XRCC2: variants seen among roughly 807,000 people sequenced by gnomAD.
The protein encoded by XRCC2 is DNA repair protein XRCC2.
XRCC2 carries 24 observed loss-of-function variants against 27.3 expected under a neutral mutation model. The observed-to-expected ratio is 0.88, with a 90% CI of 0.64 to 1.24. XRCC2 has a LOEUF of 1.24. Ranked by LOEUF, XRCC2 falls within the 50% of genes most tolerant of loss-of-function variation. XRCC2 has a pLI of 0.00. For synonymous variants in XRCC2, 106 were observed against 115.4 expected, an observed-to-expected ratio of 0.92 and a Z score of 0.52; for missense variants, 321 against 325.8, an observed-to-expected ratio of 0.99 and a Z score of 0.11.
chr7:152,652,315 T>G (rs2098028890), intron 2 of XRCC2, among the ~76,000 whole-genome samples: 1 of 151,752 alleles, frequency 6.6e-6, no homozygotes, highest in Non-Finnish European at 1.5e-5. Flanking sequence ...ACTATGTTAC[T>G]GAGGAGCTAT....
rs2098026600 is a variant in XRCC2 at position 152,647,610 on chromosome 7, C to T, written c.*1032G>A. The T allele has an allele frequency of 6.6e-6, 1 of 152,104 alleles. No individual in the cohort carries two copies. The highest frequency in any genetic ancestry group is 1.5e-5 in the Non-Finnish European group (1 of 68,034). 9.4% of individuals were successfully genotyped at this position (152,104 alleles called of 1,614,324 possible). Reference sequence around the variant, plus strand: ...GAAGGCGTCCATTTTCAATCTTTTCCATATGGCTGGCCAGTTATCCCAGCA... The same window carrying T: ...GAAGGCGTCCATTTTCAATCTTTTCTATATGGCTGGCCAGTTATCCCAGCA... On this transcript the variant is annotated 3_prime_UTR_variant, in exon 3 of 3. Coordinates refer to ENST00000359321, the MANE Select transcript of XRCC2 (RefSeq NM_005431.2).
intron 2 of XRCC2, among the ~76,000 whole-genome samples, chr7:152,650,600 G>A (rs911635661): frequency 1.3e-5 from 2 of 152,166 alleles, no homozygotes; most frequent in Non-Finnish European, 1.5e-5. Flanking sequence ...GTCTAAATAC[G>A]GATTCAAGGG....
rs1563035215 is a variant in XRCC2 at position 152,674,698 on chromosome 7, T to TATATATAATATATATTTTAAA, written c.39+1342_39+1343insTTTAAAATATATATTATATAT. 1.2e-3 allele frequency among the ~76,000 whole-genome samples: 86 copies of TATATATAATATATATTTTAAA among 69,742 alleles called. 21 individuals carry two copies. Among genetic ancestry groups the TATATATAATATATATTTTAAA allele is most frequent in the African/African-American group, 7.5e-3 (79 of 10,596 alleles). 45.8% of individuals were successfully genotyped at this position (69,742 alleles called of 152,430 possible). A position where few individuals can be genotyped will look rare whatever the true frequency, so the allele number is the denominator to read the frequency against. On this transcript the variant is annotated intron_variant, in intron 1 of 2. Coordinates refer to ENST00000359321, the MANE Select transcript of XRCC2 (RefSeq NM_005431.2). ...TCTATATTATAAATATATTTTTAAA[T>TATATATAATATATATTTTAAA]ATATATTTATATAATATATTTTTAA...
At chr7:152,659,688 A>G (rs532018245) in intron 2 of XRCC2, among the ~76,000 whole-genome samples, 1 of 127,864 alleles carries the variant, frequency 7.8e-6, no homozygotes, top group South Asian at 2.5e-4. Flanking sequence ...CTGGCAATGC[A>G]ATGATGGTGC....
rs1344673372 is a variant in XRCC2, at chr7:152,648,354, C to A, written c.*288G>T. ...CCCAAGAGGCAGAGGCTGCAGCGGGCCGAGATTGTGCCACTGCACTCCAGC... is the reference window on the plus strand; with the variant it reads ...CCCAAGAGGCAGAGGCTGCAGCGGGACGAGATTGTGCCACTGCACTCCAGC... On this transcript the variant is annotated 3_prime_UTR_variant, in exon 3 of 3. Coordinates refer to ENST00000359321, the MANE Select transcript of XRCC2 (RefSeq NM_005431.2). 4.8e-6 allele frequency: 1 copy of A among 210,058 alleles called. No individual in the cohort carries two copies. Among genetic ancestry groups the A allele is most frequent in the Non-Finnish European group, 9.5e-6 (1 of 105,170 alleles). 13.0% of individuals were successfully genotyped at this position (210,058 alleles called of 1,614,324 possible).
intron 1 of XRCC2, among the ~76,000 whole-genome samples, chr7:152,663,609 C>G (rs911177016): frequency 1.3e-5 from 2 of 152,136 alleles, no homozygotes; most frequent in African/African-American, 4.8e-5. Context: ...GAGGACAAGG[C>G]AGGAGGCTCG....
chr7:152,672,769 G>A (rs1026094994), intron 1 of XRCC2, among the ~76,000 whole-genome samples: 1 of 152,096 alleles, frequency 6.6e-6, no homozygotes, highest in Non-Finnish European at 1.5e-5. Flanking sequence ...TACATGAACT[G>A]CTTTAATAAT....
In XRCC2 at chr7:152,647,717, G is replaced by A. The variant is rs1031736283; in HGVS notation, c.*925C>T. 6.6e-6 allele frequency: 1 copy of A among 152,126 alleles called. No individual in the cohort carries two copies. Among genetic ancestry groups the A allele is most frequent in the South Asian group, 2.1e-4 (1 of 4,834 alleles). The allele number at this position is 152,126 out of a possible 1,614,324, so 9.4% of individuals were successfully genotyped here. On this transcript the variant is annotated 3_prime_UTR_variant, in exon 3 of 3. Coordinates refer to ENST00000359321, the MANE Select transcript of XRCC2 (RefSeq NM_005431.2). ...AGATCAAAAAAATTATAGGTGTGTGGTCTCATTTCTAAATTCTCTATTCTG... is the reference window on the plus strand; with the variant it reads ...AGATCAAAAAAATTATAGGTGTGTGATCTCATTTCTAAATTCTCTATTCTG...
Position 152,645,151 on chromosome 7 carries a change from A to G in XRCC2, c.*3491T>C, listed in dbSNP as rs1056264693. 2.0e-5 allele frequency: 3 copies of G among 152,014 alleles called. No individual in the cohort carries two copies. Among genetic ancestry groups the G allele is most frequent in the Admixed American group, 6.6e-5 (1 of 15,262 alleles). 9.4% of individuals were successfully genotyped at this position (152,014 alleles called of 1,614,324 possible). On this transcript the variant is annotated 3_prime_UTR_variant, in exon 3 of 3. Coordinates refer to ENST00000359321, the MANE Select transcript of XRCC2 (RefSeq NM_005431.2). ...AAAAGGGTTAAACTCTGCTTCTTAC[A>G]ATAAAGCTTTGTAATTTTCTCCAAA...
intron 1 of XRCC2, among the ~76,000 whole-genome samples, chr7:152,666,616 CTTTA>C (rs2098035834): frequency 7.0e-6 from 1 of 143,570 alleles, no homozygotes; most frequent in South Asian, 2.3e-4. Context: ...AATACAGATT[CTTTA>C]TTTTTTTTTT....
In XRCC2 at chr7:152,649,146, T is replaced by G. The variant is rs1590129640; in HGVS notation, c.339A>C (p.Gly113=). 2.5e-6 allele frequency: 4 copies of G among 1,613,706 alleles called. No individual in the cohort carries two copies. Among genetic ancestry groups the G allele is most frequent in the Non-Finnish European group, 3.4e-6 (4 of 1,179,910 alleles). The change falls in exon 3 of 3, where the codon GGA becomes GGC. Residue 113 remains glycine (G), a synonymous_variant. Coordinates refer to ENST00000359321, the MANE Select transcript of XRCC2 (RefSeq NM_005431.2). ...SSEEIIKYCL[G]RFFLVYCSSS... ...TACTGCAGTACACCAAAAAAAATCTTCCCAGGCAGTATTTGATTATTTCTT... is the reference window on the plus strand; with the variant it reads ...TACTGCAGTACACCAAAAAAAATCTGCCCAGGCAGTATTTGATTATTTCTT...
rs530664762 is a variant in XRCC2 at position 152,663,346 on chromosome 7, T to TAAAAAAAAAAAAAA, written c.40-2578_40-2565dup. On this transcript the variant is annotated intron_variant, in intron 1 of 2. Transcript: ENST00000359321. ...GCTTTACGTAAGAATGTCTTTGAAG[T>TAAAAAAAAAAAAAA]AAAAAAAAAAAAAAAAAAAAAAAAA... Among the ~76,000 whole-genome samples, 76 of 80,892 alleles carry TAAAAAAAAAAAAAA rather than the reference T, an allele frequency of 9.4e-4. 3 individuals carry two copies. The highest frequency in any genetic ancestry group is 9.1e-3 in the Middle Eastern group (1 of 110). The allele number at this position is 80,892 out of a possible 152,430, so 53.1% of individuals were successfully genotyped here.
intron 2 of XRCC2, among the ~76,000 whole-genome samples, chr7:152,659,687 C>T (rs1485656378): frequency 2.4e-5 from 3 of 127,272 alleles, no homozygotes; most frequent in Admixed American, 9.8e-5. Flanking sequence ...GCTGGCAATG[C>T]AATGATGGTG....
chr7:152,673,144 G>A (rs3218395), intron 1 of XRCC2, among the ~76,000 whole-genome samples: 8,061 of 152,088 alleles, frequency 0.053, 267 homozygotes, highest in East Asian at 0.12. Flanking sequence ...CTCTCCACCT[G>A]GCTTACCATA....
chr7:152,652,482 C>T lies in XRCC2; in HGVS notation c.122-3119G>A, dbSNP rs75590881. On this transcript the variant is annotated intron_variant, in intron 2 of 2. Coordinates refer to ENST00000359321, the MANE Select transcript of XRCC2 (RefSeq NM_005431.2). ...GGCAGCCAGAGAGGCCGACCCACAGCTACTCACCTTTCTAGAGTACTGCAT... is the reference window on the plus strand; with the variant it reads ...GGCAGCCAGAGAGGCCGACCCACAGTTACTCACCTTTCTAGAGTACTGCAT... Among the ~76,000 whole-genome samples, 381 of 152,294 alleles carry T rather than the reference C, an allele frequency of 2.5e-3. 7 individuals are homozygous for T. The highest frequency in any genetic ancestry group is 0.025 in the East Asian group (127 of 5,154).
chr7:152,648,955 G>C lies in XRCC2; in HGVS notation c.530C>G (p.Ser177Cys), dbSNP rs754995556. The part of the protein sequence containing the change: ...NLQESTLRKC[S>C]QCLEKLVNDY... ...ATTTACAAGCTTCTCTAAGCACTGA[G>C]AACATTTCCTCAGAGTAGACTCCTG... is the stretch of plus-strand genomic sequence containing the variant. The change falls in exon 3 of 3, where the codon TCT (serine) becomes TGT (cysteine). Residue 177 changes from serine to cysteine, a missense_variant. By Grantham distance (112) the Ser-to-Cys change is moderately radical. Coordinates refer to ENST00000359321, the MANE Select transcript of XRCC2 (RefSeq NM_005431.2). 1 of 1,614,184 alleles carries C rather than the reference G, an allele frequency of 6.2e-7. No homozygotes were observed. Among genetic ancestry groups the C allele is most frequent in the Admixed American group, 1.7e-5 (1 of 60,004 alleles).
rs138261510 is a variant in XRCC2, at chr7:152,646,736, C to T, written c.*1906G>A. ...GGGCAATCCACCCACCTCGGCCTCGCAAAGTGCTAGGATCACAGGCATGAG... is the reference window on the plus strand; with the variant it reads ...GGGCAATCCACCCACCTCGGCCTCGTAAAGTGCTAGGATCACAGGCATGAG... On this transcript the variant is annotated 3_prime_UTR_variant, in exon 3 of 3. Coordinates refer to ENST00000359321, the MANE Select transcript of XRCC2 (RefSeq NM_005431.2). 0.012 allele frequency: 1,883 copies of T among 152,416 alleles called. 8 individuals carry two copies. The highest frequency in any genetic ancestry group is 0.047 in the Middle Eastern group (14 of 296). 9.4% of individuals were successfully genotyped at this position (152,416 alleles called of 1,614,324 possible).
chr7:152,669,936 T>TAAAA (rs78706535), intron 1 of XRCC2, among the ~76,000 whole-genome samples: 4 of 133,912 alleles, frequency 3.0e-5, no homozygotes, highest in Admixed American at 2.9e-4. Context: ...CAAAAGGCTG[T>TAAAA]AAAAAAAAAA....
At chr7:152,668,352 A>G (rs2098036817) in intron 1 of XRCC2, among the ~76,000 whole-genome samples, 1 of 152,196 alleles carries the variant, frequency 6.6e-6, no homozygotes, top group Admixed American at 6.6e-5. Context: ...CTGTGGTTTC[A>G]GCATCCATTG....
Sources: allele counts gnomAD v4.1 joint callset (sites outside exome capture counted in the v4.1 genomes callset), GRCh38; gene constraint gnomAD v4.1.1; transcripts MANE v1.5; gene names NCBI Gene and HGNC (gene_info 2026-07-23, HGNC 2026-07-21).